PDILT: variants seen among roughly 807,000 people sequenced by gnomAD.
PDILT encodes protein disulfide-isomerase-like protein of the testis.
A neutral mutation model predicts 53.7 loss-of-function variants in PDILT; 43 were observed. That is an observed-to-expected ratio of 0.80 (90% confidence interval 0.63 to 1.03). The LOEUF (loss-of-function observed/expected upper bound fraction) is 1.03, where lower values mean the gene tolerates loss of function less well. PDILT is among the 50% of genes least tolerant of loss of function. PDILT has a pLI of 0.00. For synonymous variants in PDILT, 282 were observed against 274.2 expected (o/e 1.03, Z -0.28); for missense variants, 727 against 712.3 (o/e 1.02, Z -0.24).
chr16:20,375,979 A>G (rs1966379793), intron 4 of PDILT, 89 bp downstream of exon 4: 2 of 1,514,674 alleles, frequency 1.3e-6, no homozygotes, highest in East Asian at 4.5e-5. Context: ...TTGGGCAATC[A>G]AAACGGAAGA....
chr16:20,403,233 A>T (rs985965220), intron 1 of PDILT, among the ~76,000 whole-genome samples: 4 of 151,888 alleles, frequency 2.6e-5, no homozygotes, highest in African/African-American at 9.7e-5. Flanking sequence ...CTCTGCTTCT[A>T]CTCTTTGTGC....
chr16:20,368,262 C>G (rs1966244885), intron 8 of PDILT, among the ~76,000 whole-genome samples: 1 of 152,072 alleles, frequency 6.6e-6, no homozygotes, highest in Non-Finnish European at 1.5e-5. Flanking sequence ...TAGGGAAAGG[C>G]TGCCATCAGG....
chr16:20,388,251 T>C (rs1354130554), intron 2 of PDILT, among the ~76,000 whole-genome samples: 1 of 152,210 alleles, frequency 6.6e-6, no homozygotes, highest in Non-Finnish European at 1.5e-5. Flanking sequence ...TATTGATCCC[T>C]TACTGTGCTA....
intron 3 of PDILT, among the ~76,000 whole-genome samples, chr16:20,378,937 T>C (rs561195410): frequency 1.3e-5 from 2 of 152,214 alleles, no homozygotes; most frequent in African/African-American, 2.4e-5. Context: ...TACTTGAAGA[T>C]TCATTTCCAC....
chr16:20,368,089 T>C (rs145967200), intron 8 of PDILT, among the ~76,000 whole-genome samples: 288 of 152,154 alleles, frequency 1.9e-3, no homozygotes, highest in African/African-American at 6.5e-3. Flanking sequence ...ATCGTAGCCA[T>C]GTGTGTCCTG....
chr16:20,372,960 C>G, intron 6 of PDILT, 33 bp from the exon 7 acceptor site: 1 of 1,613,688 alleles, frequency 6.2e-7, no homozygotes, highest in Non-Finnish European at 8.5e-7. Flanking sequence ...TCATCCCAAG[C>G]ACACACAGTG....
chr16:20,395,907 C>G (rs1346534553), intron 2 of PDILT, among the ~76,000 whole-genome samples: 1 of 152,192 alleles, frequency 6.6e-6, no homozygotes, highest in African/African-American at 2.4e-5. Context: ...TCATCAGATG[C>G]CCAACTTACA....
chr16:20,392,814 G>A (rs1716847267), intron 2 of PDILT, among the ~76,000 whole-genome samples: 1 of 152,204 alleles, frequency 6.6e-6, no homozygotes, highest in African/African-American at 2.4e-5. Flanking sequence ...GGTTCCCTCT[G>A]TAGCCTCAGA....
At chr16:20,378,803 G>A (rs1966421355) in intron 3 of PDILT, among the ~76,000 whole-genome samples, 1 of 152,140 alleles carries the variant, frequency 6.6e-6, no homozygotes, top group African/African-American at 2.4e-5. Context: ...TTATGGCTTT[G>A]TAGTATTCCA....
Position 20,363,071 on chromosome 16 carries a change from CAAAAAA to C in PDILT, c.1238-495_1238-490del, listed in dbSNP as rs1187383410. 9.7e-3 allele frequency among the ~76,000 whole-genome samples: 904 copies of C among 93,590 alleles called. 12 individuals carry two copies. Among genetic ancestry groups the C allele is most frequent in the African/African-American group, 0.037 (877 of 23,954 alleles). The allele number at this position is 93,590 out of a possible 152,430, so 61.4% of individuals were successfully genotyped here. ...TGGGTGACAGAGAGAGACTCCATCT[CAAAAAA>C]AAAAAAAAAAAAAAGGAAGAAAGAA... On this transcript the variant is annotated intron_variant, in intron 9 of 11. Transcript: ENST00000302451.
chr16:20,399,350 T>C (rs1282884601), intron 1 of PDILT, 43 bp from the exon 2 acceptor site: 1 of 1,593,954 alleles, frequency 6.3e-7, no homozygotes, highest in South Asian at 1.1e-5. Context: ...TCAACACAGG[T>C]GGTGGAGCCC....
chr16:20,360,221 G>A (rs1408886017), intron 11 of PDILT, among the ~76,000 whole-genome samples: 1 of 152,206 alleles, frequency 6.6e-6, no homozygotes, highest in African/African-American at 2.4e-5. Context: ...ATGGCTAGGG[G>A]AGAAAGGGGA....
In PDILT at chr16:20,367,018, CTCTTTCTTCTTTCTTTCTT is replaced by C; in HGVS notation, c.1117-1497_1117-1479del. The stretch of plus-strand genomic sequence containing the variant: ...TTTCTTTCTTTATTTATTTCTCTCT[CTCTTTCTTCTTTCTTTCTT>C]TCTTTCTTTCTTTCTTTCTTTCTTT... On this transcript the variant is annotated intron_variant, in intron 8 of 11. Transcript: ENST00000302451. Among the ~76,000 whole-genome samples the C allele has an allele frequency of 1.5e-5, 2 of 137,112 alleles. 1 individual carries two copies. Among genetic ancestry groups the C allele is most frequent in the South Asian group, 5.0e-4 (2 of 4,020 alleles). The allele number at this position is 137,112 out of a possible 152,430, so 90.0% of individuals were successfully genotyped here.
intron 1 of PDILT, among the ~76,000 whole-genome samples, 156 bp downstream of exon 1, chr16:20,404,340 A>G (rs1273194245): frequency 6.6e-6 from 1 of 152,142 alleles, no homozygotes; most frequent in Non-Finnish European, 1.5e-5. Flanking sequence ...TCTGGGCATT[A>G]TTATTATTTT....
chr16:20,378,759 C>T (rs780767699), intron 3 of PDILT, among the ~76,000 whole-genome samples: 39 of 152,166 alleles, frequency 2.6e-4, no homozygotes, highest in Admixed American at 1.6e-3. Context: ...CAGCTTCATC[C>T]ATGTCCCCGC....
At position 20,369,610 on chromosome 16, in the gene PDILT, A is replaced by G. The variant is rs1204013648; in HGVS notation, c.998T>C (p.Ile333Thr). The G allele has an allele frequency of 6.2e-7, 1 of 1,614,066 alleles. No homozygotes were observed. Among genetic ancestry groups the G allele is most frequent in the Non-Finnish European group, 8.5e-7 (1 of 1,180,038 alleles). The stretch of plus-strand genomic sequence containing the variant: ...CAAGTTTAGGATTTGGACGGATGGG[A>G]TATCGACCTCTGTGACCCGGAAGTA... ...FKYFRVTEVD[I>T]PSVQILNLSS... is the part of the protein sequence containing the mutation. Residue 333 changes from isoleucine to threonine, a missense_variant, in exon 8 of 12, where the codon ATC becomes ACC. Ile to Thr is a moderately conservative substitution (Grantham distance 89). Coordinates refer to ENST00000302451, the MANE Select transcript of PDILT (RefSeq NM_174924.2).
chr16:20,394,873 G>A (rs1440598372), intron 2 of PDILT, among the ~76,000 whole-genome samples: 1 of 152,170 alleles, frequency 6.6e-6, no homozygotes, highest in East Asian at 1.9e-4. Flanking sequence ...TGATTGTATG[G>A]AGCAGAGCTT....
chr16:20,366,763 G>A (rs1966196677), intron 8 of PDILT, among the ~76,000 whole-genome samples: 1 of 152,106 alleles, frequency 6.6e-6, no homozygotes, highest in Non-Finnish European at 1.5e-5. Flanking sequence ...CATCTGTGTG[G>A]TTACTGACCA....
At chr16:20,370,956 G>A (rs1252684211) in intron 7 of PDILT, among the ~76,000 whole-genome samples, 1 of 152,216 alleles carries the variant, frequency 6.6e-6, no homozygotes, top group African/African-American at 2.4e-5. Context: ...ATATAATCAA[G>A]AAATAACTAT....
Sources: gnomAD v4.1 joint callset for allele counts (sites outside exome capture counted in the v4.1 genomes callset) on GRCh38, gnomAD v4.1.1 for gene constraint, MANE v1.5 for transcripts, NCBI Gene and HGNC (gene_info 2026-07-23, HGNC 2026-07-21) for gene names.